Variants in KLHL24 observed in about 807,000 individuals in gnomAD.
The protein encoded by KLHL24 is kelch like family member 24.
KLHL24 carries 29 observed loss-of-function variants against 53.4 expected under a neutral mutation model. The observed-to-expected ratio is 0.54, with a 90% CI of 0.40 to 0.74. The LOEUF (loss-of-function observed/expected upper bound fraction) is 0.74. Among genes scored for constraint, KLHL24 ranks in the 30% least tolerant of loss-of-function variants. The pLI, the probability that KLHL24 is intolerant of heterozygous loss-of-function variation, is 0.00. For synonymous variants in KLHL24, 222 were observed against 253.7 expected, an observed-to-expected ratio of 0.88 and a Z score of 1.19; for missense variants, 504 against 744.0, an observed-to-expected ratio of 0.68 and a Z score of 3.75.
chr3:183,637,527 T>C (rs1024947686), intron 1 of KLHL24, among the ~76,000 whole-genome samples: 2 of 152,234 alleles, frequency 1.3e-5, no homozygotes, highest in Non-Finnish European at 2.9e-5. Flanking sequence ...TCAAGACCAA[T>C]CATTTTTAGC....
At chr3:183,652,149 A>G (rs1463591210) in intron 3 of KLHL24, among the ~76,000 whole-genome samples, 1 of 152,192 alleles carries the variant, frequency 6.6e-6, no homozygotes, top group East Asian at 1.9e-4. Context: ...TTTTTTCTGA[A>G]TGTGAAAATT....
chr3:183,636,460 C>T (rs1156359135), intron 1 of KLHL24: 1 of 152,244 alleles, frequency 6.6e-6, no homozygotes, highest in Non-Finnish European at 1.5e-5. Flanking sequence ...TGCGGCCGTC[C>T]CCGGGGAGCC....
intron 2 of KLHL24, among the ~76,000 whole-genome samples, chr3:183,647,554 A>G (rs1176034658): frequency 1.3e-5 from 2 of 151,950 alleles, no homozygotes; most frequent in East Asian, 1.9e-4. Flanking sequence ...CTACTAAAAT[A>G]CAAAAAATTA....
chr3:183,666,229 T>C lies in KLHL24; in HGVS notation c.1224+1190T>C, dbSNP rs1000320004. 2.0e-5 allele frequency among the ~76,000 whole-genome samples: 3 copies of C among 151,610 alleles called. No homozygotes were observed. The East Asian group carries it at 5.8e-4, about 30-fold the overall frequency. On this transcript the variant is annotated intron_variant, in intron 5 of 7. Coordinates refer to ENST00000242810, the MANE Select transcript of KLHL24 (RefSeq NM_017644.3). ...ACTACAGGTGGAGTTTCCAAAATGC[T>C]TGGGACCAGAAGTGTTTCTGATTTT... is the stretch of plus-strand genomic sequence containing the variant.
chr3:183,671,708 G>A (rs530561053), intron 6 of KLHL24, among the ~76,000 whole-genome samples: 3 of 152,258 alleles, frequency 2.0e-5, no homozygotes, highest in South Asian at 2.1e-4. Context: ...CTTCTGGGAC[G>A]AAAGAATATG....
intron 7 of KLHL24, among the ~76,000 whole-genome samples, chr3:183,678,262 A>G (rs997166740): frequency 6.6e-6 from 1 of 152,256 alleles, no homozygotes; most frequent in African/African-American, 2.4e-5. Flanking sequence ...GGCTCCTAAT[A>G]ACAGTGTTTT....
chr3:183,638,244 C>T (rs1485870024), intron 1 of KLHL24, among the ~76,000 whole-genome samples: 5 of 152,214 alleles, frequency 3.3e-5, no homozygotes, highest in African/African-American at 1.2e-4. Flanking sequence ...AGTCTCTAAA[C>T]AGGAAGAAGA....
chr3:183,638,195 C>G (rs958338334), intron 1 of KLHL24, among the ~76,000 whole-genome samples: 19 of 152,306 alleles, frequency 1.2e-4, no homozygotes, highest in African/African-American at 4.6e-4. Context: ...AACCATCACT[C>G]AGTAAAGGCT....
rs895098008 is a variant in KLHL24 at position 183,635,656 on chromosome 3, G to A, written c.-262G>A. 2 of 152,660 alleles carry A rather than the reference G, an allele frequency of 1.3e-5. No homozygotes were observed. Among genetic ancestry groups the A allele is most frequent in the African/African-American group, 4.8e-5 (2 of 41,474 alleles). 9.5% of individuals were successfully genotyped at this position (152,660 alleles called of 1,614,324 possible). ...CTGCGGCAGAGACTGGTGGCTGGAGGAGACGCCGGCGCTGGAGAGTGCGCT... is the reference window on the plus strand; with the variant it reads ...CTGCGGCAGAGACTGGTGGCTGGAGAAGACGCCGGCGCTGGAGAGTGCGCT... On this transcript the variant is annotated 5_prime_UTR_variant, in exon 1 of 8. Transcript: ENST00000242810.
chr3:183,673,767 C>CT (rs1158588772), intron 7 of KLHL24, among the ~76,000 whole-genome samples: 1 of 152,154 alleles, frequency 6.6e-6, no homozygotes, highest in African/African-American at 2.4e-5. Flanking sequence ...TTCATACTCT[C>CT]TTGTTTTTCT....
intron 5 of KLHL24, among the ~76,000 whole-genome samples, chr3:183,665,408 T>C (rs1720388644): frequency 1.3e-5 from 2 of 152,212 alleles, no homozygotes; most frequent in South Asian, 4.1e-4. Flanking sequence ...GATATATTTG[T>C]CCAAAGTCAT....
At chr3:183,646,107 G>T (rs1376621035) in intron 2 of KLHL24, among the ~76,000 whole-genome samples, 3 of 150,744 alleles carry the variant, frequency 2.0e-5, no homozygotes, top group Non-Finnish European at 4.4e-5. Context: ...GCTTATGCCT[G>T]TAATCCCAGC....
At chr3:183,669,534 C>T (rs557687640) in intron 5 of KLHL24, among the ~76,000 whole-genome samples, 2 of 152,118 alleles carry the variant, frequency 1.3e-5, no homozygotes, top group Non-Finnish European at 2.9e-5. Flanking sequence ...CCTGTCTGAG[C>T]TGCATAGTGT....
chr3:183,677,941 C>G (rs116702768), intron 7 of KLHL24, among the ~76,000 whole-genome samples: 2 of 152,026 alleles, frequency 1.3e-5, no homozygotes, highest in South Asian at 2.1e-4. Flanking sequence ...ACAAGCACCC[C>G]CCACCACGTC....
intron 7 of KLHL24, among the ~76,000 whole-genome samples, chr3:183,676,497 A>G (rs1028437522): frequency 2.6e-5 from 4 of 152,244 alleles, no homozygotes; most frequent in African/African-American, 7.2e-5. Context: ...ATTTCATTGT[A>G]TACAGTTAAA....
intron 3 of KLHL24, among the ~76,000 whole-genome samples, chr3:183,651,523 C>T (rs1291035212): frequency 1.3e-5 from 2 of 152,188 alleles, no homozygotes; most frequent in African/African-American, 4.8e-5. Flanking sequence ...TGCAACTGTG[C>T]ATATCTCAAC....
chr3:183,669,045 G>C (rs1720970821), intron 5 of KLHL24, among the ~76,000 whole-genome samples: 2 of 152,122 alleles, frequency 1.3e-5, no homozygotes, highest in African/African-American at 2.4e-5. Context: ...AGAGGCAAAA[G>C]CTCAGACTTT....
At chr3:183,669,840 G>C (rs990745252) in intron 5 of KLHL24, among the ~76,000 whole-genome samples, 1 of 152,190 alleles carries the variant, frequency 6.6e-6, no homozygotes, top group Non-Finnish European at 1.5e-5. Flanking sequence ...GGTGATGGCA[G>C]CGGGAAACGT....
At position 183,671,177 on chromosome 3, in the gene KLHL24, G is replaced by C. The variant is rs1160984613; in HGVS notation, c.1368G>C (p.Leu456=). Residue 456 remains leucine (L), a synonymous_variant, in exon 6 of 8, where the codon CTG becomes CTC. Coordinates refer to ENST00000242810, the MANE Select transcript of KLHL24 (RefSeq NM_017644.3). ...SPAVTSCVGK[L]FVIGGGPDDN... The stretch of plus-strand genomic sequence containing the variant: ...CAGTGACTAGCTGTGTAGGCAAACT[G>C]TTTGTGATTGGTGGAGGACCTGATG... The C allele has an allele frequency of 1.2e-6, 2 of 1,613,956 alleles. No individual in the cohort carries two copies. Among genetic ancestry groups the C allele is most frequent in the Admixed American group, 1.7e-5 (1 of 59,988 alleles).
Sources: allele counts gnomAD v4.1 joint callset (sites outside exome capture counted in the v4.1 genomes callset), GRCh38; gene constraint gnomAD v4.1.1; transcripts MANE v1.5; gene names NCBI Gene and HGNC (gene_info 2026-07-23, HGNC 2026-07-21).